Variants in MTUS2 observed in about 807,000 individuals in gnomAD.
MTUS2 encodes microtubule-associated tumor suppressor candidate 2.
Under a neutral mutation model 114.1 loss-of-function variants are expected in MTUS2, and 40 were observed. The ratio of observed to expected loss-of-function variants is 0.35; its 90% CI spans 0.27 to 0.46. MTUS2 has a LOEUF of 0.46. Ranked by LOEUF, MTUS2 falls within the 20% of genes least tolerant of loss-of-function variation. The pLI, the probability that MTUS2 is intolerant of heterozygous loss-of-function variation, is 1.00. For synonymous variants in MTUS2, 688 were observed against 672.0 expected (o/e 1.02, Z -0.37); for missense variants, 1,679 against 1,705.4 (o/e 0.98, Z 0.27).
chr13:29,078,492 A>G (rs994817899), intron 4 of MTUS2, among the ~76,000 whole-genome samples: 1 of 152,228 alleles, frequency 6.6e-6, no homozygotes, highest in African/African-American at 2.4e-5. Flanking sequence ...TTGTTGAGAT[A>G]TAATTCGTGT....
chr13:29,268,908 T>G (rs1897771500), intron 5 of MTUS2, among the ~76,000 whole-genome samples: 1 of 152,058 alleles, frequency 6.6e-6, no homozygotes, highest in Non-Finnish European at 1.5e-5. Flanking sequence ...CATTTTTTAT[T>G]TTTTGTAGAG....
chr13:29,479,543 G>T (rs1053212561), intron 9 of MTUS2, among the ~76,000 whole-genome samples: 3 of 152,168 alleles, frequency 2.0e-5, no homozygotes, highest in Non-Finnish European at 2.9e-5. Context: ...AAGAGATACC[G>T]AGTAGAAAAC....
chr13:29,327,336 AAC>A (rs2138036362), intron 7 of MTUS2, among the ~76,000 whole-genome samples: 1 of 152,286 alleles, frequency 6.6e-6, no homozygotes, highest in African/African-American at 2.4e-5. Flanking sequence ...CATGCAAGAT[AAC>A]ACACATGTCC....
chr13:29,071,220 T>TC (rs1216535336), intron 4 of MTUS2, among the ~76,000 whole-genome samples: 1 of 151,536 alleles, frequency 6.6e-6, no homozygotes, highest in African/African-American at 2.4e-5. Context: ...CAGGCTGGTC[T>TC]CCAACTCCTG....
intron 8 of MTUS2, chr13:29,428,757 C>T: frequency 6.2e-7 from 1 of 1,601,926 alleles, no homozygotes; most frequent in Non-Finnish European, 8.5e-7. Context: ...CGGCGCGCCC[C>T]TTTCGTGTGT....
intron 2 of MTUS2, among the ~76,000 whole-genome samples, chr13:28,879,691 C>T (rs1308533212): frequency 6.6e-6 from 1 of 152,100 alleles, no homozygotes; most frequent in Admixed American, 6.5e-5. Context: ...AAATGATTTC[C>T]ATCAAATAAT....
chr13:29,471,741 A>ACCCCCCCC (rs1880316161), intron 9 of MTUS2, among the ~76,000 whole-genome samples: 3 of 120,872 alleles, frequency 2.5e-5, no homozygotes, highest in Admixed American at 8.0e-5. Flanking sequence ...CTGCAGGCCC[A>ACCCCCCCC]GCCCCCCCCG....
rs79930333 is a variant in MTUS2, at chr13:29,196,889, C to A, written c.2645-84815C>A. 7.6e-3 allele frequency among the ~76,000 whole-genome samples: 1,161 copies of A among 152,240 alleles called. 7 individuals carry two copies. The highest frequency in any genetic ancestry group is 0.027 in the African/African-American group (1,109 of 41,514). ...AGTTGCTTTCACATCTTGGCTATTT[C>A]GAATAAGGCTGCTATTAACATGAGT... On this transcript the variant is annotated intron_variant, in intron 5 of 15. Transcript: ENST00000612955.
chr13:29,370,619 T>G (rs1871116598), intron 8 of MTUS2, among the ~76,000 whole-genome samples: 1 of 152,162 alleles, frequency 6.6e-6, no homozygotes, highest in Non-Finnish European at 1.5e-5. Flanking sequence ...CCTTCTGCCA[T>G]GGAATAAGCT....
At chr13:29,436,912 A>G (rs1350014399) in intron 8 of MTUS2, among the ~76,000 whole-genome samples, 1 of 152,108 alleles carries the variant, frequency 6.6e-6, no homozygotes, top group Non-Finnish European at 1.5e-5. Flanking sequence ...CCTGACCACA[A>G]AACATCAGCA....
chr13:29,116,895 A>G (rs538048255), intron 5 of MTUS2, among the ~76,000 whole-genome samples: 1 of 152,232 alleles, frequency 6.6e-6, no homozygotes, highest in East Asian at 1.9e-4. Context: ...TGTTTCTGGA[A>G]TTTTTCACTT....
intron 9 of MTUS2, among the ~76,000 whole-genome samples, chr13:29,445,401 T>C (rs957077147): frequency 2.6e-5 from 4 of 152,170 alleles, no homozygotes; most frequent in African/African-American, 9.7e-5. Context: ...GTCCTAAGTC[T>C]CAGTGGCCAC....
chr13:29,329,603 T>G (rs981682829), intron 7 of MTUS2, among the ~76,000 whole-genome samples: 13 of 146,670 alleles, frequency 8.9e-5, no homozygotes, highest in African/African-American at 3.0e-4. Flanking sequence ...TAAACATACA[T>G]GTGCATGTGT....
chr13:29,493,177 A>G (rs2138986377), intron 12 of MTUS2, among the ~76,000 whole-genome samples: 1 of 152,318 alleles, frequency 6.6e-6, no homozygotes. Context: ...GGCTGAGACG[A>G]AAAGCACCTT....
chr13:29,364,064 G>A (rs903227112), intron 8 of MTUS2, among the ~76,000 whole-genome samples: 2 of 152,142 alleles, frequency 1.3e-5, no homozygotes, highest in African/African-American at 2.4e-5. Flanking sequence ...ATATTATGAT[G>A]CTACTTCTCC....
In MTUS2 at chr13:29,346,552, T is replaced by TG. The variant is rs1463603177; in HGVS notation, c.2906-12709dup. ...AGCAACGCCAGTCTCACTCCCACCA[T>TG]GTCCCCCCAACAGCACGAGAGGGAC... On this transcript the variant is annotated intron_variant, in intron 7 of 15. Coordinates refer to ENST00000612955, the MANE Select transcript of MTUS2 (RefSeq NM_001033602.4). 5.7e-5 allele frequency among the ~76,000 whole-genome samples: 8 copies of TG among 139,788 alleles called. No individual in the cohort carries two copies. In the Admixed American group the frequency reaches 5.8e-4, roughly 10 times the overall value. The allele number at this position is 139,788 out of a possible 152,430, so 91.7% of individuals were successfully genotyped here. A position where few individuals can be genotyped will look rare whatever the true frequency, so the allele number is the denominator to read the frequency against.
intron 5 of MTUS2, among the ~76,000 whole-genome samples, chr13:29,127,095 C>T (rs1031309149): frequency 5.9e-5 from 9 of 152,150 alleles, no homozygotes; most frequent in African/African-American, 1.9e-4. Context: ...CTGGCCCCAG[C>T]CATTGAGCTG....
chr13:29,039,846 G>A (rs1887267274), intron 4 of MTUS2, among the ~76,000 whole-genome samples: 1 of 152,166 alleles, frequency 6.6e-6, no homozygotes, highest in African/African-American at 2.4e-5. Context: ...ATCAAGTTTT[G>A]TTTTAGCACA....
At chr13:29,492,280 TGTG>T (rs1263459151) in intron 11 of MTUS2, among the ~76,000 whole-genome samples, 9 of 150,390 alleles carry the variant, frequency 6.0e-5, no homozygotes, top group South Asian at 4.2e-4. Context: ...GTGTGTGGCA[TGTG>T]GTGTGTATGT....
Sources: allele counts gnomAD v4.1 joint callset (sites outside exome capture counted in the v4.1 genomes callset), GRCh38; gene constraint gnomAD v4.1.1; transcripts MANE v1.5; gene names NCBI Gene and HGNC (gene_info 2026-07-23, HGNC 2026-07-21).